SLC1A1: variants seen among roughly 807,000 people sequenced by gnomAD.
The protein encoded by SLC1A1 is excitatory amino acid transporter 3.
A neutral mutation model predicts 53.3 loss-of-function variants in SLC1A1; 43 were observed. The ratio of observed to expected loss-of-function variants is 0.81; its 90% CI spans 0.63 to 1.04. SLC1A1 has a LOEUF of 1.04. Among genes scored for constraint, SLC1A1 ranks in the 50% least tolerant of loss-of-function variants. The pLI is 0.00. For missense variants in SLC1A1, 748 were observed against 664.9 expected, an observed-to-expected ratio of 1.12 and a Z score of -1.37; for synonymous variants, 307 against 243.2, an observed-to-expected ratio of 1.26 and a Z score of -2.44.
chr9:4,530,180 C>A (rs1166256269), intron 1 of SLC1A1, among the ~76,000 whole-genome samples: 1 of 151,934 alleles, frequency 6.6e-6, no homozygotes, highest in Non-Finnish European at 1.5e-5. Context: ...GTGGAACATG[C>A]AAAAAGAGGG....
chr9:4,570,867 G>C (rs552297131), intron 6 of SLC1A1, among the ~76,000 whole-genome samples: 1 of 150,426 alleles, frequency 6.6e-6, no homozygotes, highest in African/African-American at 2.4e-5. Flanking sequence ...AGTGAGCTAT[G>C]ATCATGCCAC....
chr9:4,535,599 G>A (rs1326446558), intron 1 of SLC1A1, among the ~76,000 whole-genome samples: 2 of 152,150 alleles, frequency 1.3e-5, no homozygotes, highest in African/African-American at 4.8e-5. Context: ...CTCATGGGTA[G>A]GAAGAATCAA....
intron 3 of SLC1A1, 27 bp downstream of exon 3, chr9:4,561,568 A>C (rs1818942946): frequency 7.8e-7 from 1 of 1,289,732 alleles, no homozygotes; most frequent in East Asian, 2.3e-5. Context: ...AATCCTTACT[A>C]CTTTATGTAA....
intron 10 of SLC1A1, among the ~76,000 whole-genome samples, chr9:4,580,651 G>GTGTGTGTATA (rs370378540): frequency 8.4e-6 from 1 of 118,844 alleles, no homozygotes; most frequent in South Asian, 2.8e-4. Context: ...GTGTGTGTGT[G>GTGTGTGTATA]TATAAGGAAT....
At chr9:4,498,084 G>A (rs764182002) in intron 1 of SLC1A1, among the ~76,000 whole-genome samples, 1 of 152,218 alleles carries the variant, frequency 6.6e-6, no homozygotes, top group Non-Finnish European at 1.5e-5. Context: ...AAACCTCTGA[G>A]AGTCCTTCTA....
intron 1 of SLC1A1, among the ~76,000 whole-genome samples, chr9:4,543,028 G>A (rs1233951240): frequency 6.6e-6 from 1 of 152,192 alleles, no homozygotes; most frequent in African/African-American, 2.4e-5. Context: ...GGCAAAGGTA[G>A]AATAGGGAAA....
At position 4,583,710 on chromosome 9, in the gene SLC1A1, T is replaced by C. The variant is rs1436858915; in HGVS notation, c.1328+538T>C. On this transcript the variant is annotated intron_variant, in intron 11 of 11. Transcript: ENST00000262352. This position sits in a 1 kb window ranked among gnomAD's most constrained non-coding sequence, Gnocchi z 4.6. ...GATGGGAAAAAATCTGCCTATGTCA[T>C]TGGGTTGTTTTAAGGACTGAGTGAG... is the stretch of plus-strand genomic sequence containing the variant. 2.6e-5 allele frequency among the ~76,000 whole-genome samples: 4 copies of C among 152,150 alleles called. No individual in the cohort carries two copies. The highest frequency in any genetic ancestry group is 4.4e-5 in the Non-Finnish European group (3 of 68,038).
At chr9:4,491,391 T>C (rs963466543) in intron 1 of SLC1A1, among the ~76,000 whole-genome samples, 3 of 152,236 alleles carry the variant, frequency 2.0e-5, no homozygotes, top group African/African-American at 4.8e-5. Flanking sequence ...TTCTGGGATG[T>C]GCCACTGTGG....
At chr9:4,520,155 G>A (rs1816016876) in intron 1 of SLC1A1, among the ~76,000 whole-genome samples, 1 of 152,104 alleles carries the variant, frequency 6.6e-6, no homozygotes, top group Non-Finnish European at 1.5e-5. Flanking sequence ...AAACATGTCT[G>A]GCTTCATTTG....
chr9:4,500,531 G>A (rs532895669), intron 1 of SLC1A1, among the ~76,000 whole-genome samples: 4 of 152,102 alleles, frequency 2.6e-5, no homozygotes, highest in East Asian at 1.9e-4. Context: ...AGCTGCTCTC[G>A]AACTGTTAAC....
At chr9:4,514,984 C>T (rs1384434804) in intron 1 of SLC1A1, among the ~76,000 whole-genome samples, 3 of 152,080 alleles carry the variant, frequency 2.0e-5, no homozygotes, top group South Asian at 4.2e-4. Context: ...TTCAAGCAGC[C>T]GGGGCTCCTG....
chr9:4,585,773 G>T lies in SLC1A1; in HGVS notation c.*215G>T, dbSNP rs533627862. 3.4e-5 allele frequency: 20 copies of T among 589,076 alleles called. No homozygotes were observed. Among genetic ancestry groups the T allele is most frequent in the Non-Finnish European group, 5.7e-5 (19 of 335,732 alleles). 36.5% of individuals were successfully genotyped at this position (589,076 alleles called of 1,614,324 possible). ...TAAGTTGAAGGGAAATCAATTTAAA[G>T]GAAAGTTCTATTATCTGGGTTTTAG... is the stretch of plus-strand genomic sequence containing the variant. On this transcript the variant is annotated 3_prime_UTR_variant, in exon 12 of 12. Transcript: ENST00000262352.
Position 4,586,626 on chromosome 9 carries a change from A to AAGAGGCC in SLC1A1, c.*1071_*1077dup, listed in dbSNP as rs1392106376. 1 of 152,194 alleles carries AAGAGGCC rather than the reference A, an allele frequency of 6.6e-6. No individual in the cohort carries two copies. Among genetic ancestry groups the AAGAGGCC allele is most frequent in the African/African-American group, 2.4e-5 (1 of 41,446 alleles). The allele number at this position is 152,194 out of a possible 1,614,324, so 9.4% of individuals were successfully genotyped here. A position where few individuals can be genotyped will look rare whatever the true frequency, so the allele number is the denominator to read the frequency against. ...ATTCTTCCAAGTTCATTCATACTCA[A>AAGAGGCC]AGAGGCCAGTACTTTGCCATCCTTG... On this transcript the variant is annotated 3_prime_UTR_variant, in exon 12 of 12. Coordinates refer to ENST00000262352, the MANE Select transcript of SLC1A1 (RefSeq NM_004170.6).
In SLC1A1 at chr9:4,538,242, T is replaced by C. The variant is rs75454452; in HGVS notation, c.92-6325T>C. On this transcript the variant is annotated intron_variant, in intron 1 of 11. Transcript: ENST00000262352. The stretch of plus-strand genomic sequence containing the variant: ...GTACATTTTAGGGAGATATGAGATA[T>C]CAATCAGTACATGTAAGATTTACAT... Among the ~76,000 whole-genome samples, 728 of 152,210 alleles carry C rather than the reference T, an allele frequency of 4.8e-3. 8 individuals are homozygous for C. Among genetic ancestry groups the C allele is most frequent in the African/African-American group, 0.017 (690 of 41,522 alleles).
intron 1 of SLC1A1, among the ~76,000 whole-genome samples, chr9:4,496,040 A>G (rs1586684873): frequency 2.0e-5 from 3 of 152,242 alleles, no homozygotes; most frequent in East Asian, 3.9e-4. Context: ...TCGACTTAAG[A>G]CAGCATGTCA....
At chr9:4,503,543 G>A (rs769010844) in intron 1 of SLC1A1, among the ~76,000 whole-genome samples, 5 of 151,780 alleles carry the variant, frequency 3.3e-5, no homozygotes, top group Non-Finnish European at 5.9e-5. Context: ...CCTGGAGGAG[G>A]CCATAATTGG....
At chr9:4,584,601 G>A (rs949533199) in intron 11 of SLC1A1, among the ~76,000 whole-genome samples, 1 of 152,294 alleles carries the variant, frequency 6.6e-6, no homozygotes, top group East Asian at 1.9e-4. Context: ...GATTCCCCCT[G>A]CATGCAGTTC....
intron 1 of SLC1A1, among the ~76,000 whole-genome samples, chr9:4,508,753 G>C (rs1820892875): frequency 6.6e-6 from 1 of 152,218 alleles, no homozygotes; most frequent in Non-Finnish European, 1.5e-5. Context: ...GGTTTGATGA[G>C]CAAAGGTTAG....
chr9:4,502,930 G>C (rs1009260217), intron 1 of SLC1A1, among the ~76,000 whole-genome samples: 1 of 151,644 alleles, frequency 6.6e-6, no homozygotes, highest in Admixed American at 6.6e-5. Context: ...GTTTGAGCTT[G>C]AATTCTAGTG....
Sources: allele counts gnomAD v4.1 joint callset (sites outside exome capture counted in the v4.1 genomes callset), GRCh38; gene constraint gnomAD v4.1.1; non-coding constraint Gnocchi (gnomAD v3.1); transcripts MANE v1.5; gene names NCBI Gene and HGNC (gene_info 2026-07-23, HGNC 2026-07-21).